The following NECAP2 variants were observed in gnomAD, a reference collection of about 807,000 sequenced individuals.
NECAP2 encodes the protein NECAP endocytosis associated 2, also known as adaptin ear-binding coat-associated protein 2.
Under a neutral mutation model 37.8 loss-of-function variants are expected in NECAP2, and 38 were observed. The ratio of observed to expected loss-of-function variants is 1.01; its 90% CI spans 0.78 to 1.32. NECAP2 has a LOEUF of 1.32. Ranked by LOEUF, NECAP2 falls within the 40% of genes most tolerant of loss-of-function variation. The pLI is 0.00. For synonymous variants in NECAP2, 121 were observed against 127.7 expected (o/e 0.95, Z 0.35); for missense variants, 316 against 334.5 (o/e 0.94, Z 0.43).
chr1:16,446,831 A>G (rs1040673850), intron 2 of NECAP2, among the ~76,000 whole-genome samples: 6 of 152,094 alleles, frequency 3.9e-5, no homozygotes, highest in Non-Finnish European at 7.4e-5. Flanking sequence ...AGGCTGAGGC[A>G]GGCAGATCAC....
At chr1:16,455,071 A>C (rs1405602031) in intron 6 of NECAP2, among the ~76,000 whole-genome samples, 2 of 152,218 alleles carry the variant, frequency 1.3e-5, no homozygotes, top group Admixed American at 1.3e-4. Context: ...TGAACTGTAA[A>C]ACTCTAAACC....
rs774560000 is a variant in NECAP2, at chr1:16,451,931, A to G, written c.583A>G (p.Lys195Glu). 84 of 1,613,572 alleles carry G rather than the reference A, an allele frequency of 5.2e-5. No individual in the cohort carries two copies. Among genetic ancestry groups the G allele is most frequent in the Non-Finnish European group, 6.7e-5 (79 of 1,179,824 alleles). The change falls in exon 6 of 8, where the codon AAA becomes GAA. Residue 195 changes from lysine (K) to glutamate (E), a missense_variant. By Grantham distance (56) the Lys-to-Glu change is moderately conservative. This residue lies in a region of NECAP2 where 204 missense variants were observed against 188.6 expected (regional missense o/e 1.08). Coordinates refer to ENST00000337132, the MANE Select transcript of NECAP2 (RefSeq NM_018090.5). ...LSLLPPPPGG[K>E]TSTLIPPPGE... Reference sequence around the variant, plus strand: ...CCTGCTTCCCCCTCCCCCAGGGGGGAAAACCTCCACCCTGATCCCTCCCCC... The same window carrying G: ...CCTGCTTCCCCCTCCCCCAGGGGGGGAAACCTCCACCCTGATCCCTCCCCC...
chr1:16,443,044 C>T (rs1223742717), intron 1 of NECAP2, among the ~76,000 whole-genome samples: 1 of 152,182 alleles, frequency 6.6e-6, no homozygotes, highest in East Asian at 1.9e-4. Flanking sequence ...GTGATTGTTC[C>T]ATGCTGTCTT....
At chr1:16,455,917 A>G (rs1367228299) in intron 7 of NECAP2, 24 bp downstream of exon 7, 1 of 1,596,024 alleles carries the variant, frequency 6.3e-7, no homozygotes, top group Non-Finnish European at 8.6e-7. Flanking sequence ...TGTTCTGCGG[A>G]GGGGCTGGGG....
In NECAP2 at chr1:16,444,346, C is replaced by T. The variant is rs550787063; in HGVS notation, c.193+614C>T. Among the ~76,000 whole-genome samples, 7 of 152,304 alleles carry T rather than the reference C, an allele frequency of 4.6e-5. 1 individual carries two copies. In the South Asian group the frequency reaches 1.4e-3, roughly 32 times the overall value. ...AGCCGAGACCCCTAGTGGGGTCGGA[C>T]ACAGTGTCTGCTCAGTCAGGTGCCA... On this transcript the variant is annotated intron_variant, in intron 2 of 7. Transcript: ENST00000337132.
chr1:16,455,827 C>G lies in NECAP2; in HGVS notation c.677C>G (p.Pro226Arg), dbSNP rs200946684. The G allele has an allele frequency of 7.4e-6, 12 of 1,613,864 alleles. No individual in the cohort carries two copies. The highest frequency in any genetic ancestry group is 1.0e-5 in the Non-Finnish European group (12 of 1,179,922). Residue 226 changes from proline (P) to arginine (R), a missense_variant, in exon 7 of 8, where the codon CCT (proline) becomes CGT (arginine). By Grantham distance (103) the Pro-to-Arg change is moderately radical (BLOSUM62 -2). Coordinates refer to ENST00000337132, the MANE Select transcript of NECAP2 (RefSeq NM_018090.5). ...TCGGGAACATCAATAGGAGGTGCTC[C>G]TGTACCCTGGCCACAGCCCAATCCT... ...PAVAPSSGGAPVPWPQPNPAT... is the reference protein window; with the variant it reads ...PAVAPSSGGARVPWPQPNPAT...
At chr1:16,452,657 C>A (rs1315437256) in intron 6 of NECAP2, among the ~76,000 whole-genome samples, 1 of 152,124 alleles carries the variant, frequency 6.6e-6, no homozygotes, top group Non-Finnish European at 1.5e-5. Context: ...TTTGCCCTGG[C>A]AGTTTGTGCT....
At position 16,458,993 on chromosome 1, in the gene NECAP2, A is replaced by C. The variant is rs1557694874; in HGVS notation, c.*103A>C. The C allele has an allele frequency of 6.3e-7, 1 of 1,598,030 alleles. No homozygotes were observed. Among genetic ancestry groups the C allele is most frequent in the Non-Finnish European group, 8.5e-7 (1 of 1,172,480 alleles). ...TCCTCAGCTGGCCTGTGTTTGGGGC[A>C]TGAATCTCTCCTCTCCTCCTTGTCT... On this transcript the variant is annotated 3_prime_UTR_variant, in exon 8 of 8. Transcript: ENST00000337132.
chr1:16,448,853 G>GA (rs1211316800), intron 4 of NECAP2, among the ~76,000 whole-genome samples: 1 of 152,148 alleles, frequency 6.6e-6, no homozygotes, highest in Non-Finnish European at 1.5e-5. Flanking sequence ...TAGCCATCTT[G>GA]AAAACCTATA....
intron 4 of NECAP2, chr1:16,448,384 C>G (rs2086793821): frequency 3.6e-6 from 2 of 556,238 alleles, no homozygotes; most frequent in Non-Finnish European, 6.5e-6. Context: ...CTCCCCTTAC[C>G]AGTCCCCTGA....
intron 7 of NECAP2, among the ~76,000 whole-genome samples, chr1:16,456,140 C>G (rs1348130503): frequency 1.3e-5 from 2 of 151,782 alleles, no homozygotes; most frequent in African/African-American, 2.4e-5. Context: ...TCTCCTGCCT[C>G]AGCCTCCTGA....
At chr1:16,449,441 A>G (rs964014249) in intron 5 of NECAP2, 7 of 472,068 alleles carry the variant, frequency 1.5e-5, no homozygotes, top group African/African-American at 9.9e-5. Flanking sequence ...TTCCATGACT[A>G]AGGGATGCCC....
rs749124155 is a variant in NECAP2, at chr1:16,458,825, C to T, written c.744-17C>T. ...AAGATCTGAACTCCCCCACCCTTCC[C>T]TGTCTTCTCTTTACAGATCAACTTC... On this transcript the variant is annotated splice_polypyrimidine_tract_variant and intron_variant, in intron 7 of 7. Transcript: ENST00000337132. The T allele has an allele frequency of 6.2e-7, 1 of 1,613,202 alleles. No homozygotes were observed. The highest frequency in any genetic ancestry group is 8.5e-7 in the Non-Finnish European group (1 of 1,179,728).
At chr1:16,455,419 G>A (rs1049873682) in intron 6 of NECAP2, 9 of 197,348 alleles carry the variant, frequency 4.6e-5, no homozygotes, top group Admixed American at 5.3e-5. Context: ...ATGATCTTGC[G>A]GTTTTGGTGG....
chr1:16,455,625 G>A (rs1382148561), intron 6 of NECAP2, 193 bp from the exon 7 acceptor site: 1 of 588,446 alleles, frequency 1.7e-6, no homozygotes, highest in African/African-American at 1.9e-5. Flanking sequence ...GGGCTGGTGA[G>A]AAGATGCTGG....
chr1:16,456,817 A>G (rs761616850), intron 7 of NECAP2, among the ~76,000 whole-genome samples: 1 of 152,090 alleles, frequency 6.6e-6, no homozygotes, highest in Non-Finnish European at 1.5e-5. Flanking sequence ...TACTGCAACC[A>G]CATTCTCCCA....
At chr1:16,456,477 A>G (rs1216336424) in intron 7 of NECAP2, among the ~76,000 whole-genome samples, 1 of 152,120 alleles carries the variant, frequency 6.6e-6, no homozygotes, top group Non-Finnish European at 1.5e-5. Context: ...CGCCTTCCCA[A>G]GTGCTTTGGC....
chr1:16,448,369 C>A (rs535843384), intron 4 of NECAP2: 5 of 574,408 alleles, frequency 8.7e-6, no homozygotes, highest in Non-Finnish European at 1.6e-5. Context: ...GGGCCTGCCA[C>A]CTGTCTCCCC....
intron 2 of NECAP2, 38 bp from the exon 3 acceptor site, chr1:16,447,832 G>A: frequency 1.3e-6 from 2 of 1,563,824 alleles, no homozygotes; most frequent in Non-Finnish European, 8.8e-7. Flanking sequence ...CTGGAAGGGG[G>A]CTCAGGGCTC....
Sources: allele counts gnomAD v4.1 joint callset (sites outside exome capture counted in the v4.1 genomes callset), GRCh38; gene constraint gnomAD v4.1.1; regional missense constraint gnomAD v4.1.1; transcripts MANE v1.5; gene names NCBI Gene and HGNC (gene_info 2026-07-23, HGNC 2026-07-21).